Variants in OLFM3 observed in about 807,000 individuals in gnomAD.
The protein encoded by OLFM3 is noelin-3.
A neutral mutation model predicts 48.6 loss-of-function variants in OLFM3; 20 were observed. That is an observed-to-expected ratio of 0.41 (90% CI 0.29 to 0.60). OLFM3 has a LOEUF of 0.60. Among genes scored for constraint, OLFM3 ranks in the 20% least tolerant of loss-of-function variants. The probability of loss-of-function intolerance (pLI) is 0.28; values close to 1 mark genes in which losing one functional copy is unlikely to be tolerated. For synonymous variants in OLFM3, 222 were observed against 198.1 expected (o/e 1.12, Z -1.01); for missense variants, 437 against 544.3 (o/e 0.80, Z 1.96).
intron 1 of OLFM3, among the ~76,000 whole-genome samples, chr1:101,862,164 T>G (rs1394465876): frequency 1.3e-5 from 2 of 152,148 alleles, no homozygotes; most frequent in African/African-American, 4.8e-5. Flanking sequence ...TGAAAAACCC[T>G]TATCTGAAAT....
intron 5 of OLFM3, among the ~76,000 whole-genome samples, chr1:101,805,589 T>C (rs1277410035): frequency 6.6e-6 from 1 of 151,936 alleles, no homozygotes; most frequent in Non-Finnish European, 1.5e-5. Context: ...TCCCAGAAGT[T>C]TCAGCGCTAT....
rs1399379141 is a variant in OLFM3 at position 101,861,702 on chromosome 1, A to G, written c.70-24677T>C. Among the ~76,000 whole-genome samples, 4 of 152,326 alleles carry G rather than the reference A, an allele frequency of 2.6e-5. No homozygotes were observed. In the East Asian group the frequency reaches 7.7e-4, roughly 29 times the overall value. On this transcript the variant is annotated intron_variant, in intron 1 of 5. Transcript: ENST00000370103. ...CTCTGACTCTATGCATTGTGTTAAG[A>G]GCATGGGCTTTGTAGTCATGTAGAC...
At chr1:101,875,589 TA>T in intron 1 of OLFM3, among the ~76,000 whole-genome samples, 1 of 152,022 alleles carries the variant, frequency 6.6e-6, no homozygotes, top group African/African-American at 2.4e-5. Flanking sequence ...TTCTAGGACA[TA>T]AGATGAGTTA....
At chr1:101,819,037 G>C (rs975598120) in intron 4 of OLFM3, among the ~76,000 whole-genome samples, 29 of 152,040 alleles carry the variant, frequency 1.9e-4, no homozygotes, top group African/African-American at 6.8e-4. Flanking sequence ...AAACAAATGG[G>C]CATTTTCTGT....
At chr1:101,930,921 A>G (rs995114826) in intron 1 of OLFM3, among the ~76,000 whole-genome samples, 6 of 152,222 alleles carry the variant, frequency 3.9e-5, no homozygotes, top group Non-Finnish European at 7.3e-5. Context: ...ACCTAAAGGA[A>G]TCATTTACAT....
At chr1:101,891,475 A>C (rs1657995318) in intron 1 of OLFM3, among the ~76,000 whole-genome samples, 1 of 152,000 alleles carries the variant, frequency 6.6e-6, no homozygotes, top group Admixed American at 6.6e-5. Flanking sequence ...AGAGGAATAA[A>C]AAAATATTGA....
At chr1:101,977,361 C>A (rs1660983993) in intron 1 of OLFM3, among the ~76,000 whole-genome samples, 1 of 152,092 alleles carries the variant, frequency 6.6e-6, no homozygotes, top group East Asian at 1.9e-4. Flanking sequence ...GTTTGTATTT[C>A]TCTTTTCCTT....
chr1:101,841,866 A>T (rs1194741112), intron 1 of OLFM3, among the ~76,000 whole-genome samples: 1 of 152,248 alleles, frequency 6.6e-6, no homozygotes, highest in Non-Finnish European at 1.5e-5. Context: ...AAATCTGTTT[A>T]TTAAAACTTA....
At chr1:101,944,797 T>C (rs188567124) in intron 1 of OLFM3, among the ~76,000 whole-genome samples, 14 of 152,054 alleles carry the variant, frequency 9.2e-5, no homozygotes, top group Middle Eastern at 3.4e-3. Context: ...GGAGAATTGC[T>C]TGAACCCAGA....
chr1:101,853,333 C>T (rs1196658076), intron 1 of OLFM3, among the ~76,000 whole-genome samples: 1 of 151,992 alleles, frequency 6.6e-6, no homozygotes. Flanking sequence ...TTCTTTTTCT[C>T]CTTCCTCCCA....
At chr1:101,872,024 T>A (rs1657102283) in intron 1 of OLFM3, among the ~76,000 whole-genome samples, 1 of 152,052 alleles carries the variant, frequency 6.6e-6, no homozygotes, top group African/African-American at 2.4e-5. Context: ...AGGTGTTAAC[T>A]GAGTTGAGCG....
chr1:101,854,107 AG>A (rs1265980240), intron 1 of OLFM3, among the ~76,000 whole-genome samples: 1 of 152,082 alleles, frequency 6.6e-6, no homozygotes, highest in African/African-American at 2.4e-5. Context: ...ATGTATATCA[AG>A]TATCATGTTG....
At chr1:101,990,436 A>G (rs927599591) in intron 1 of OLFM3, among the ~76,000 whole-genome samples, 12 of 152,204 alleles carry the variant, frequency 7.9e-5, no homozygotes, top group Non-Finnish European at 1.8e-4. Context: ...TTTGCACTAA[A>G]TTTTATGGTT....
At chr1:101,827,879 TC>T (rs1183333561) in intron 3 of OLFM3, among the ~76,000 whole-genome samples, 3 of 152,144 alleles carry the variant, frequency 2.0e-5, no homozygotes, top group African/African-American at 7.2e-5. Flanking sequence ...AAATTGTAAT[TC>T]CCATATGTCT....
intron 1 of OLFM3, chr1:101,893,592 A>C: frequency 4.0e-6 from 1 of 250,544 alleles, no homozygotes; most frequent in South Asian, 6.3e-5. Flanking sequence ...TACTTGACAA[A>C]GAAAAGACCT....
At chr1:101,910,467 A>G (rs976120680) in intron 1 of OLFM3, among the ~76,000 whole-genome samples, 6 of 119,680 alleles carry the variant, frequency 5.0e-5, no homozygotes, top group African/African-American at 1.7e-4. Flanking sequence ...CTCCGTCTCA[A>G]CTGAAAAAAA....
At chr1:101,996,476 G>T (rs1661560216) in intron 1 of OLFM3, among the ~76,000 whole-genome samples, 1 of 152,142 alleles carries the variant, frequency 6.6e-6, no homozygotes, top group African/African-American at 2.4e-5. Flanking sequence ...CACGGAATAA[G>T]CTAAATTCCC....
intron 1 of OLFM3, among the ~76,000 whole-genome samples, chr1:101,861,741 C>A (rs1048337397): frequency 6.6e-6 from 1 of 152,112 alleles, no homozygotes; most frequent in Non-Finnish European, 1.5e-5. Context: ...GGTTGGAATG[C>A]CAGGTTTGTC....
chr1:101,955,051 T>G (rs940488663), intron 1 of OLFM3, among the ~76,000 whole-genome samples: 2 of 152,158 alleles, frequency 1.3e-5, no homozygotes, highest in South Asian at 4.1e-4. Flanking sequence ...AGACGAAGTA[T>G]TATGTAAAAT....
Sources: allele counts gnomAD v4.1 joint callset (sites outside exome capture counted in the v4.1 genomes callset), GRCh38; gene constraint gnomAD v4.1.1; transcripts MANE v1.5; gene names NCBI Gene and HGNC (gene_info 2026-07-23, HGNC 2026-07-21).